CATSPERB: variants seen among roughly 807,000 people sequenced by gnomAD.
CATSPERB encodes the protein cation channel sperm-associated auxiliary subunit beta.
CATSPERB carries 93 observed loss-of-function variants against 128.3 expected under a neutral mutation model. That is an observed-to-expected ratio of 0.72 (90% CI 0.61 to 0.86). The LOEUF (loss-of-function observed/expected upper bound fraction) is 0.86, where lower values mean the gene tolerates loss of function less well. Among genes scored for constraint, CATSPERB ranks in the 40% least tolerant of loss-of-function variants. The pLI is 0.00. For missense variants in CATSPERB, 1,153 were observed against 1,329.5 expected (o/e 0.87, Z 2.06); for synonymous variants, 381 against 448.8 (o/e 0.85, Z 1.91).
At chr14:91,689,645 T>C (rs2139843641) in intron 10 of CATSPERB, among the ~76,000 whole-genome samples, 1 of 152,324 alleles carries the variant, frequency 6.6e-6, no homozygotes, top group South Asian at 2.1e-4. Context: ...ATAGTTTTTC[T>C]ATTCTTTTAC....
chr14:91,643,976 G>C (rs1345582526), intron 15 of CATSPERB, among the ~76,000 whole-genome samples: 2 of 137,848 alleles, frequency 1.5e-5, no homozygotes, highest in Non-Finnish European at 3.2e-5. Context: ...GGCCTTCTTT[G>C]TCTCTTTTGA....
At chr14:91,718,579 G>C (rs1895980100) in intron 5 of CATSPERB, among the ~76,000 whole-genome samples, 1 of 152,030 alleles carries the variant, frequency 6.6e-6, no homozygotes, top group South Asian at 2.1e-4. Context: ...GAATTGGGCT[G>C]ACCCATAAGA....
chr14:91,687,789 T>A (rs146654921), intron 10 of CATSPERB, among the ~76,000 whole-genome samples: 2 of 151,858 alleles, frequency 1.3e-5, no homozygotes, highest in African/African-American at 4.8e-5. Context: ...ACCCTATCTC[T>A]ACCAAAAATA....
chr14:91,608,268 A>C (rs1320013699), intron 22 of CATSPERB, 26 bp downstream of exon 22: 1 of 1,327,222 alleles, frequency 7.5e-7, no homozygotes, highest in Non-Finnish European at 1.1e-6. Context: ...AATAAGTGCT[A>C]GATTATTTGT....
At chr14:91,624,714 A>T in intron 18 of CATSPERB, 106 bp downstream of exon 18, 1 of 821,912 alleles carries the variant, frequency 1.2e-6, no homozygotes, top group Non-Finnish European at 1.8e-6. Context: ...AGTTGGACTA[A>T]AATTTGAAAT....
At chr14:91,642,869 T>TA (rs1420858020) in intron 15 of CATSPERB, among the ~76,000 whole-genome samples, 2 of 141,092 alleles carry the variant, frequency 1.4e-5, no homozygotes, top group East Asian at 2.3e-4. Flanking sequence ...AACTACTGAT[T>TA]ATTGCCACAA....
At chr14:91,653,272 T>TAGAAG (rs1894738605) in intron 15 of CATSPERB, among the ~76,000 whole-genome samples, 1 of 152,186 alleles carries the variant, frequency 6.6e-6, no homozygotes, top group Non-Finnish European at 1.5e-5. Flanking sequence ...ACAGTGTTTT[T>TAGAAG]CTAATTTCTG....
At chr14:91,702,674 A>AC in intron 7 of CATSPERB, among the ~76,000 whole-genome samples, 3 of 84,818 alleles carry the variant, frequency 3.5e-5, no homozygotes, top group Non-Finnish European at 5.1e-5. Context: ...ACAAAAAAGA[A>AC]AACACACACA....
At chr14:91,637,536 C>T (rs772403056) in intron 16 of CATSPERB, among the ~76,000 whole-genome samples, 61 of 152,308 alleles carry the variant, frequency 4.0e-4, no homozygotes, top group Middle Eastern at 3.4e-3. Flanking sequence ...CAGCAGGTGG[C>T]TAAGAGCACA....
chr14:91,617,207 G>A (rs1206355195), intron 20 of CATSPERB, among the ~76,000 whole-genome samples: 4 of 152,084 alleles, frequency 2.6e-5, no homozygotes, highest in Non-Finnish European at 4.4e-5. Context: ...TGTGATATTT[G>A]CAAAAATTAT....
At chr14:91,679,422 T>C (rs751861342) in intron 11 of CATSPERB, among the ~76,000 whole-genome samples, 2 of 152,162 alleles carry the variant, frequency 1.3e-5, no homozygotes, top group Admixed American at 6.6e-5. Context: ...TAGGACAAGA[T>C]AGAAAGTCTA....
intron 16 of CATSPERB, among the ~76,000 whole-genome samples, chr14:91,637,596 C>T (rs1048993966): frequency 1.3e-5 from 2 of 152,156 alleles, no homozygotes; most frequent in African/African-American, 4.8e-5. Context: ...AATAACTAAC[C>T]AGCCTGTCTG....
intron 22 of CATSPERB, among the ~76,000 whole-genome samples, chr14:91,594,748 T>A (rs1321987126): frequency 6.6e-6 from 1 of 151,512 alleles, no homozygotes; most frequent in Non-Finnish European, 1.5e-5. Context: ...GGAGAAAAAA[T>A]AAAAAATTAA....
chr14:91,711,719 G>A (rs1171086458), intron 5 of CATSPERB, among the ~76,000 whole-genome samples: 1 of 152,152 alleles, frequency 6.6e-6, no homozygotes, highest in Non-Finnish European at 1.5e-5. Flanking sequence ...CAATACATAT[G>A]ACAAAGGCAT....
chr14:91,730,833 C>T (rs1228083224), intron 1 of CATSPERB, among the ~76,000 whole-genome samples: 2 of 152,126 alleles, frequency 1.3e-5, no homozygotes, highest in Non-Finnish European at 2.9e-5. Context: ...AAAGCTCAAA[C>T]AGTTTGATTT....
intron 5 of CATSPERB, among the ~76,000 whole-genome samples, chr14:91,714,277 C>CAAAAAAAAAAA (rs35951126): frequency 4.3e-4 from 48 of 111,190 alleles, no homozygotes; most frequent in Non-Finnish European, 5.6e-4. Context: ...TACAATAAGG[C>CAAAAAAAAAAA]AAAAAAAAAA....
At chr14:91,674,014 A>G (rs1374634849) in intron 12 of CATSPERB, among the ~76,000 whole-genome samples, 162 bp downstream of exon 12, 1 of 152,178 alleles carries the variant, frequency 6.6e-6, no homozygotes, top group East Asian at 1.9e-4. Context: ...TAACATAATT[A>G]GGTAAGTACT....
chr14:91,645,815 T>C (rs1398322879), intron 15 of CATSPERB, among the ~76,000 whole-genome samples: 14 of 150,398 alleles, frequency 9.3e-5, no homozygotes, highest in South Asian at 2.2e-4. Flanking sequence ...GCCTCGCTGC[T>C]GCCTTGCAGT....
Position 91,604,010 on chromosome 14 carries a change from G to A in CATSPERB, c.2709+4284C>T, listed in dbSNP as rs1407523923. Among the ~76,000 whole-genome samples, 5 of 129,274 alleles carry A rather than the reference G, an allele frequency of 3.9e-5. No homozygotes were observed. In the East Asian group the frequency reaches 1.1e-3, roughly 29 times the overall value. 84.8% of individuals were successfully genotyped at this position (129,274 alleles called of 152,430 possible). A position where few individuals can be genotyped will look rare whatever the true frequency, so the allele number is the denominator to read the frequency against. ...TCTCTCCCTCCCTCCCTCCCTCTCT[G>A]TCTGTCTCTCTCTCTCTCTCTTCTT... is the stretch of plus-strand genomic sequence containing the variant. On this transcript the variant is annotated intron_variant, in intron 22 of 26. Transcript: ENST00000256343.
Sources: allele counts gnomAD v4.1 joint callset (sites outside exome capture counted in the v4.1 genomes callset), GRCh38; gene constraint gnomAD v4.1.1; transcripts MANE v1.5; gene names NCBI Gene and HGNC (gene_info 2026-07-23, HGNC 2026-07-21).